The following TJAP1 variants were observed in gnomAD, a reference collection of about 807,000 sequenced individuals.
TJAP1 encodes the protein tight junction-associated protein 1.
In TJAP1, 27 loss-of-function variants were observed where a neutral mutation model predicts 42.0. The ratio of observed to expected loss-of-function variants is 0.64; its 90% confidence interval spans 0.47 to 0.89. The LOEUF (loss-of-function observed/expected upper bound fraction) is 0.89, where lower values mean the gene tolerates loss of function less well. Ranked by LOEUF, TJAP1 falls within the 40% of genes least tolerant of loss-of-function variation. The pLI is 0.00. For synonymous variants in TJAP1, 257 were observed against 288.4 expected, an observed-to-expected ratio of 0.89 and a Z score of 1.10; for missense variants, 712 against 726.9, an observed-to-expected ratio of 0.98 and a Z score of 0.24.
At position 43,502,076 on chromosome 6, in the gene TJAP1, A is replaced by ACACACACTCT. The variant is rs767085594; in HGVS notation, c.291-206_291-205insACACACTCTC. 9.4e-4 allele frequency among the ~76,000 whole-genome samples: 65 copies of ACACACACTCT among 68,954 alleles called. 7 individuals carry two copies. The highest frequency in any genetic ancestry group is 2.6e-3 in the South Asian group (5 of 1,952). The allele number at this position is 68,954 out of a possible 152,430, so 45.2% of individuals were successfully genotyped here. On this transcript the variant is annotated intron_variant, in intron 6 of 10. Coordinates refer to ENST00000372449, the Ensembl canonical transcript of TJAP1. ...CACACACACACACACACACACACAC[A>ACACACACTCT]CTCTCTCTCTCTCTCTCTCTCTCTC... is the stretch of plus-strand genomic sequence containing the variant.
chr6:43,501,739 CACACACACACACACACACACTCTCTCT>C (rs1435298265), intron 6 of TJAP1, 52 bp downstream of exon 6: 8 of 696,136 alleles, frequency 1.1e-5, no homozygotes, highest in Non-Finnish European at 2.1e-5. Flanking sequence ...CACACACACA[CACACACACACACACACACACTCTCTCT>C]GTCTCTCTCT....
chr6:43,503,788 C>T (rs771378911), intron 10 of TJAP1, 82 bp downstream of exon 10: 2 of 1,234,998 alleles, frequency 1.6e-6, no homozygotes, highest in East Asian at 2.3e-5. Context: ...TTCTGCACCT[C>T]TCTCTGTCCT....
chr6:43,501,921 ACACACACTCT>A lies in TJAP1; in HGVS notation c.290+236_290+245del, dbSNP rs1480276872. The stretch of plus-strand genomic sequence containing the variant: ...CACACACACACACACACACACACAC[ACACACACTCT>A]CTCTCTCTCTCTCTCTCTCTCTCTC... On this transcript the variant is annotated intron_variant, in intron 6 of 10. Coordinates refer to ENST00000372449, the Ensembl canonical transcript of TJAP1. 2.5e-3 allele frequency among the ~76,000 whole-genome samples: 280 copies of A among 113,410 alleles called. 12 individuals carry two copies. The highest frequency in any genetic ancestry group is 8.9e-3 in the African/African-American group (218 of 24,502). The allele number at this position is 113,410 out of a possible 152,430, so 74.4% of individuals were successfully genotyped here.
At chr6:43,486,910 C>A (rs1461720674) in intron 2 of TJAP1, among the ~76,000 whole-genome samples, 3 of 152,202 alleles carry the variant, frequency 2.0e-5, no homozygotes, top group South Asian at 2.1e-4. Context: ...TCCCTGGGTT[C>A]TCTCCCTTGT....
intron 8 of TJAP1, 125 bp from the exon 9 acceptor site, chr6:43,503,276 C>T: frequency 2.9e-6 from 2 of 693,024 alleles, no homozygotes; most frequent in Non-Finnish European, 5.1e-6. Flanking sequence ...TCATTTGTCT[C>T]TGCTCTGTCC....
At chr6:43,486,517 G>A (rs559330317) in intron 2 of TJAP1, among the ~76,000 whole-genome samples, 34 of 151,546 alleles carry the variant, frequency 2.2e-4, no homozygotes, top group Admixed American at 5.3e-4. Flanking sequence ...CACCATGCCC[G>A]GCTAATTTTT....
intron 4 of TJAP1, among the ~76,000 whole-genome samples, chr6:43,500,417 C>G (rs1039105790): frequency 1.3e-5 from 2 of 152,186 alleles, no homozygotes; most frequent in African/African-American, 4.8e-5. Context: ...CAGGACCCAC[C>G]AGGAGCCGAG....
At chr6:43,504,363 C>T (rs1009744046) in intron 10 of TJAP1, 1 of 234,100 alleles carries the variant, frequency 4.3e-6, no homozygotes, top group Non-Finnish European at 8.5e-6. Context: ...GATCCACCCG[C>T]CTCGGCCTCC....
chr6:43,505,708 G>T lies in TJAP1; in HGVS notation c.1527G>T (p.Gly509=). 6.3e-7 allele frequency: 1 copy of T among 1,587,464 alleles called. No individual in the cohort carries two copies. Among genetic ancestry groups the T allele is most frequent in the Non-Finnish European group, 8.6e-7 (1 of 1,165,076 alleles). Reference sequence around the variant, plus strand: ...CCATTAACAGGGGCACAGAGGAGGGGCCAGGCACTTCCCACACCGAGGGCA... The same window carrying T: ...CCATTAACAGGGGCACAGAGGAGGGTCCAGGCACTTCCCACACCGAGGGCA... The change falls in exon 11 of 11, where the codon GGG becomes GGT. Residue 509 remains glycine (G), a synonymous_variant. Coordinates refer to ENST00000372449, the Ensembl canonical transcript of TJAP1. This position sits in a 1 kb window ranked among gnomAD's most constrained non-coding sequence, Gnocchi z 5.5.
At chr6:43,499,150 G>A in intron 4 of TJAP1, 50 bp downstream of exon 4, 1 of 1,605,726 alleles carries the variant, frequency 6.2e-7, no homozygotes, top group African/African-American at 1.3e-5. Flanking sequence ...AGGCCCCTGA[G>A]GCTGGGTGTC....
At chr6:43,501,316 C>T (rs1790460823) in intron 5 of TJAP1, 1 of 574,080 alleles carries the variant, frequency 1.7e-6, no homozygotes, top group Non-Finnish European at 3.1e-6. Context: ...CCCTCTTCCT[C>T]CCCTGACCCT....
At chr6:43,480,863 C>T (rs931221327) in intron 2 of TJAP1, among the ~76,000 whole-genome samples, 5 of 152,124 alleles carry the variant, frequency 3.3e-5, no homozygotes, top group African/African-American at 1.2e-4. Context: ...CTTATTATCC[C>T]TGTCTTACAG....
At chr6:43,478,453 TA>T (rs1279486365) in intron 2 of TJAP1, among the ~76,000 whole-genome samples, 1 of 152,226 alleles carries the variant, frequency 6.6e-6, no homozygotes. Context: ...CCTATGCAAG[TA>T]AACCTGGACA....
exon 11 of TJAP1, chr6:43,504,993 C>G: frequency 6.2e-7 from 1 of 1,614,080 alleles, no homozygotes; most frequent in Middle Eastern, 1.6e-4. Context: ...GAGGGTGTCC[C>G]AGGTGATCCA....
chr6:43,498,386 C>T (rs538413081), intron 3 of TJAP1, among the ~76,000 whole-genome samples: 6 of 152,130 alleles, frequency 3.9e-5, no homozygotes, highest in South Asian at 2.1e-4. Context: ...CAAAGTGAGA[C>T]GCTGTGTACA....
chr6:43,483,056 A>G lies in TJAP1; in HGVS notation c.-122+4824A>G, dbSNP rs181652545. On this transcript the variant is annotated intron_variant, in intron 2 of 10. Coordinates refer to ENST00000372449, the Ensembl canonical transcript of TJAP1. Reference sequence around the variant, plus strand: ...AGAATCACTTGAACCCAGGAGGTGGAGGTTTCAGTGAACCAAGATCGTGCC... The same window carrying G: ...AGAATCACTTGAACCCAGGAGGTGGGGGTTTCAGTGAACCAAGATCGTGCC... 4.3e-3 allele frequency among the ~76,000 whole-genome samples: 646 copies of G among 151,988 alleles called. 3 individuals are homozygous for G. Among genetic ancestry groups the G allele is most frequent in the South Asian group, 0.02 (97 of 4,808 alleles).
rs543415205 is a variant in TJAP1, at chr6:43,500,517, G to T, written c.100-227G>T. On this transcript the variant is annotated intron_variant, in intron 4 of 10. Transcript: ENST00000372449. ...ATGGCTTTAGGATTGGATTAAGGGT[G>T]AAGGTTGGAAGAGGTTCTTGAATCT... 16 of 569,544 alleles carry T rather than the reference G, an allele frequency of 2.8e-5. No individual in the cohort carries two copies. The African/African-American group carries it at 2.8e-4, about 10-fold the overall frequency. The allele number at this position is 569,544 out of a possible 1,614,324, so 35.3% of individuals were successfully genotyped here.
rs1791209779 is a variant in TJAP1 at position 43,502,637 on chromosome 6, G to C, written c.387+20G>C. 1 of 1,551,668 alleles carries C rather than the reference G, an allele frequency of 6.4e-7. No homozygotes were observed. The highest frequency in any genetic ancestry group is 8.7e-7 in the Non-Finnish European group (1 of 1,146,914). ...TTTGCAGTTGCGTCTGAGTTTGTGT[G>C]TCTTCTCCCTTGCCCTGGCCTTCTC... is the stretch of plus-strand genomic sequence containing the variant. On this transcript the variant is annotated intron_variant, in intron 8 of 10. Transcript: ENST00000372449.
At chr6:43,506,139 C>T (rs543571269) in exon 11 of TJAP1, 16 of 332,642 alleles carry the variant, frequency 4.8e-5, no homozygotes, top group Admixed American at 4.1e-4. Context: ...TCAGCCCAAC[C>T]CAGCCCAGAC....
Sources: gnomAD v4.1 joint callset for allele counts (sites outside exome capture counted in the v4.1 genomes callset) on GRCh38, gnomAD v4.1.1 for gene constraint, Gnocchi (gnomAD v3.1) non-coding constraint, MANE v1.5 for transcripts, NCBI Gene and HGNC (gene_info 2026-07-23, HGNC 2026-07-21) for gene names.